The following EHMT1 variants were observed in gnomAD, a reference collection of about 807,000 sequenced individuals.
EHMT1 encodes the protein histone-lysine N-methyltransferase EHMT1.
A neutral mutation model predicts 147.2 loss-of-function variants in EHMT1; 15 were observed. The ratio of observed to expected loss-of-function variants is 0.10; its 90% CI spans 0.07 to 0.16. The LOEUF (loss-of-function observed/expected upper bound fraction) is 0.16, where lower values mean the gene tolerates loss of function less well. Among genes scored for constraint, EHMT1 ranks in the 10% least tolerant of loss-of-function variants. The pLI is 1.00. For synonymous variants in EHMT1, 795 were observed against 709.6 expected (o/e 1.12, Z -1.91); for missense variants, 1,587 against 1,772.4 (o/e 0.90, Z 1.88).
chr9:137,761,909 A>T (rs1949853988), intron 9 of EHMT1, among the ~76,000 whole-genome samples: 1 of 152,350 alleles, frequency 6.6e-6, no homozygotes, highest in East Asian at 1.9e-4. Flanking sequence ...CCACTTGCCA[A>T]GCTTAAGGGT....
At chr9:137,716,589 G>A in intron 2 of EHMT1, 37 bp from the exon 3 acceptor site, 1 of 1,532,922 alleles carries the variant, frequency 6.5e-7, no homozygotes, top group Non-Finnish European at 8.8e-7. Context: ...TGGAGAGCGT[G>A]GCCTGCAGTC....
At chr9:137,809,268 C>T (rs1954209602) in intron 18 of EHMT1, among the ~76,000 whole-genome samples, 1 of 152,238 alleles carries the variant, frequency 6.6e-6, no homozygotes, top group Non-Finnish European at 1.5e-5. Flanking sequence ...CTTCACTGAG[C>T]TGGAAGGGTT....
At chr9:137,635,408 A>T (rs900073717) in intron 1 of EHMT1, among the ~76,000 whole-genome samples, 1 of 150,430 alleles carries the variant, frequency 6.6e-6, no homozygotes, top group Non-Finnish European at 1.5e-5. Context: ...GTAGAGACGG[A>T]GTTTCACCAT....
intron 18 of EHMT1, chr9:137,802,445 A>G (rs1953574109): frequency 2.5e-6 from 1 of 398,746 alleles, no homozygotes; most frequent in East Asian, 3.6e-5. Flanking sequence ...GTCCAGCCAC[A>G]AATAAACCCA....
chr9:137,628,914 G>A (rs931531068), intron 1 of EHMT1, among the ~76,000 whole-genome samples: 1 of 152,000 alleles, frequency 6.6e-6, no homozygotes, highest in African/African-American at 2.4e-5. Flanking sequence ...GTTTTTCTTT[G>A]AAAATAATTT....
In EHMT1 at chr9:137,834,409, C is replaced by T; in HGVS notation, c.3601C>T (p.His1201Tyr). The change falls in exon 26 of 27, where the codon CAC (histidine) becomes TAC (tyrosine). Residue 1201 changes from histidine (H) to tyrosine (Y), a missense_variant. This residue lies in a region of EHMT1 where 141 missense variants were observed against 150.8 expected (regional missense o/e 0.94). Transcript: ENST00000460843. ...FYGNVSRFIN[H>Y]HCEPNLVPVR... ...CGGGAACGTCAGCCGGTTCATCAAC[C>T]ACCACTGCGAGCCCAACCTGGTGCC... is the stretch of plus-strand genomic sequence containing the variant. 2 of 1,613,368 alleles carry T rather than the reference C, an allele frequency of 1.2e-6. No individual in the cohort carries two copies. The highest frequency in any genetic ancestry group is 8.5e-7 in the Non-Finnish European group (1 of 1,179,822).
intron 16 of EHMT1, 67 bp from the exon 17 acceptor site, chr9:137,798,746 G>A (rs755740869): frequency 9.2e-6 from 12 of 1,303,752 alleles, no homozygotes; most frequent in African/African-American, 2.9e-5. Context: ...CCTGGATCCC[G>A]CACTCAGGGC....
At chr9:137,651,385 GCT>G (rs1250429237) in intron 1 of EHMT1, among the ~76,000 whole-genome samples, 1 of 152,124 alleles carries the variant, frequency 6.6e-6, no homozygotes, top group East Asian at 1.9e-4. Flanking sequence ...TACAGTTTTA[GCT>G]CTTTTAATTA....
Position 137,807,272 on chromosome 9 carries a change from G to A in EHMT1, c.2713-4189G>A, listed in dbSNP as rs531577344. ...TTTTTTCCCTCTGTGTTTCAGTTGAGCAGGTTTTTGTTGGTTTGTCTTCTA... is the reference window on the plus strand; with the variant it reads ...TTTTTTCCCTCTGTGTTTCAGTTGAACAGGTTTTTGTTGGTTTGTCTTCTA... On this transcript the variant is annotated intron_variant, in intron 18 of 26. Transcript: ENST00000460843. Among the ~76,000 whole-genome samples, 7 of 152,174 alleles carry A rather than the reference G, an allele frequency of 4.6e-5. 1 individual carries two copies. The East Asian group carries it at 1.3e-3, about 29-fold the overall frequency.
chr9:137,717,070 C>T lies in EHMT1; in HGVS notation c.530C>T (p.Ala177Val), dbSNP rs757982552. The change falls in exon 3 of 27, where the codon GCC becomes GTC. Residue 177 changes from alanine to valine, a missense_variant. By Grantham distance (64) the Ala-to-Val change is moderately conservative. Transcript: ENST00000460843. Reference sequence around the variant, plus strand: ...CCCCAGACGCCAGCCGCCCCACCAGCCACCCTTGGGGAGGGGAGTGCTGAC... The same window carrying T: ...CCCCAGACGCCAGCCGCCCCACCAGTCACCCTTGGGGAGGGGAGTGCTGAC... Reference protein sequence around the residue: ...AFPQTPAAPPATLGEGSADTE... With the variant: ...AFPQTPAAPPVTLGEGSADTE... The T allele has an allele frequency of 6.2e-7, 1 of 1,607,728 alleles. No homozygotes were observed. The highest frequency in any genetic ancestry group is 8.5e-7 in the Non-Finnish European group (1 of 1,176,298).
intron 3 of EHMT1, among the ~76,000 whole-genome samples, chr9:137,723,702 C>T (rs1946316923): frequency 6.6e-6 from 1 of 152,234 alleles, no homozygotes; most frequent in Non-Finnish European, 1.5e-5. Flanking sequence ...CCAATTTAGT[C>T]TTGTTTGGTA....
chr9:137,621,851 C>G (rs1199598976), intron 1 of EHMT1, among the ~76,000 whole-genome samples: 1 of 151,408 alleles, frequency 6.6e-6, no homozygotes, highest in African/African-American at 2.4e-5. Context: ...TTTATTTTTT[C>G]TTTTTTAAAA....
intron 10 of EHMT1, among the ~76,000 whole-genome samples, chr9:137,773,999 CTTCAAGTCCTGGTCCTCTCAGA>C (rs1950761315): frequency 1.3e-5 from 2 of 152,180 alleles, no homozygotes; most frequent in Non-Finnish European, 2.9e-5. Flanking sequence ...CCACAGGCGC[CTTCAAGTCCTGGTCCTCTCAGA>C]ATCCTCCAGT....
rs1946810140 is a variant in EHMT1, at chr9:137,728,334, GTCTT to G, written c.643-13_643-10del. Reference sequence around the variant, plus strand: ...GCTTATGCAGTTATAGTTATTCACTGTCTTTGTTTTGAAGCATGCAGCCAGTAAA... The same window carrying G: ...GCTTATGCAGTTATAGTTATTCACTGTGTTTTGAAGCATGCAGCCAGTAAA... On this transcript the variant is annotated splice_polypyrimidine_tract_variant and intron_variant, in intron 3 of 26. Transcript: ENST00000460843. 1 of 1,614,096 alleles carries G rather than the reference GTCTT, an allele frequency of 6.2e-7. No homozygotes were observed. The highest frequency in any genetic ancestry group is 1.3e-5 in the African/African-American group (1 of 74,942).
chr9:137,668,703 C>T (rs1939997111), intron 1 of EHMT1, among the ~76,000 whole-genome samples: 2 of 151,322 alleles, frequency 1.3e-5, no homozygotes, highest in African/African-American at 4.9e-5. Context: ...GTCTTTCGTG[C>T]CTGACTTCTT....
intron 18 of EHMT1, 135 bp from the exon 19 acceptor site, chr9:137,811,326 C>G: frequency 8.1e-7 from 1 of 1,233,400 alleles, no homozygotes; most frequent in South Asian, 1.3e-5. Context: ...ACCCTTTCCA[C>G]CTGGCCCTGC....
At chr9:137,684,348 G>C in intron 1 of EHMT1, among the ~76,000 whole-genome samples, 1 of 152,036 alleles carries the variant, frequency 6.6e-6, no homozygotes, top group Non-Finnish European at 1.5e-5. Context: ...TTTTTAATTT[G>C]AAATAATTTC....
Position 137,813,412 on chromosome 9 carries a change from T to A in EHMT1, c.3062T>A (p.Ile1021Asn), listed in dbSNP as rs756487270. 5.6e-5 allele frequency: 90 copies of A among 1,613,090 alleles called. No individual in the cohort carries two copies. Among genetic ancestry groups the A allele is most frequent in the Non-Finnish European group, 7.0e-5 (82 of 1,179,840 alleles). Residue 1021 changes from isoleucine to asparagine, a missense_variant, in exon 21 of 27, where the codon ATC becomes AAC. Around this residue, in one of 7 missense-constraint regions of EHMT1, gnomAD observed 78 missense variants for 68.9 expected, o/e 1.13. Coordinates refer to ENST00000460843, the MANE Select transcript of EHMT1 (RefSeq NM_024757.5). This position sits in a 1 kb window ranked among gnomAD's most constrained non-coding sequence, Gnocchi z 4.9. Reference protein sequence around the residue: ...SRDIARGYERIPIPCVNAVDS... With the variant: ...SRDIARGYERNPIPCVNAVDS... The stretch of plus-strand genomic sequence containing the variant: ...GACATCGCTCGAGGCTACGAGCGCA[T>A]CCCCATCCCCTGTGTCAACGCCGTG...
chr9:137,674,564 C>T (rs1218378992), intron 1 of EHMT1, among the ~76,000 whole-genome samples: 1 of 152,182 alleles, frequency 6.6e-6, no homozygotes, highest in African/African-American at 2.4e-5. Flanking sequence ...CTGTGCCTTG[C>T]CTCCTGCAGT....
Sources: allele counts gnomAD v4.1 joint callset (sites outside exome capture counted in the v4.1 genomes callset), GRCh38; gene constraint gnomAD v4.1.1; regional missense constraint gnomAD v4.1.1; non-coding constraint Gnocchi (gnomAD v3.1); transcripts MANE v1.5; gene names NCBI Gene and HGNC (gene_info 2026-07-23, HGNC 2026-07-21).